The following JMJD1C variants were observed in gnomAD, a reference collection of about 807,000 sequenced individuals.
The protein encoded by JMJD1C is jumonji domain-containing protein 1C.
Under a neutral mutation model 245.3 loss-of-function variants are expected in JMJD1C, and 31 were observed. The observed-to-expected ratio is 0.13, with a 90% CI of 0.09 to 0.17. The LOEUF (loss-of-function observed/expected upper bound fraction) is 0.17. Ranked by LOEUF, JMJD1C falls within the 10% of genes least tolerant of loss-of-function variation. The probability of loss-of-function intolerance (pLI) is 1.00; values close to 1 mark genes in which losing one functional copy is unlikely to be tolerated. For missense variants in JMJD1C, 2,691 were observed against 3,000.2 expected (o/e 0.90, Z 2.41); for synonymous variants, 1,057 against 1,017.4 (o/e 1.04, Z -0.74).
At chr10:63,361,884 G>A (rs10995516) in intron 2 of JMJD1C, among the ~76,000 whole-genome samples, 1,716 of 152,062 alleles carry the variant, frequency 0.011, 40 homozygotes, top group African/African-American at 0.039. Context: ...AGGATATTTA[G>A]AATAATGGTT....
intron 2 of JMJD1C, among the ~76,000 whole-genome samples, chr10:63,292,783 G>A (rs1345407148): frequency 6.6e-6 from 1 of 152,042 alleles, no homozygotes; most frequent in African/African-American, 2.4e-5. Flanking sequence ...GGTGGCTCAC[G>A]CCTGTAATCC....
intron 1 of JMJD1C, among the ~76,000 whole-genome samples, chr10:63,518,490 T>G (rs1306979170): frequency 6.6e-6 from 1 of 152,214 alleles, no homozygotes; most frequent in African/African-American, 2.4e-5. Flanking sequence ...TAGCTGAATA[T>G]ATCTATGAAT....
intron 1 of JMJD1C, among the ~76,000 whole-genome samples, chr10:63,396,546 G>A (rs924014207): frequency 6.6e-6 from 1 of 152,156 alleles, no homozygotes; most frequent in African/African-American, 2.4e-5. Context: ...CAAATCAGAT[G>A]ATATACAACG....
chr10:63,275,328 C>G (rs1226659441), intron 2 of JMJD1C, among the ~76,000 whole-genome samples: 1 of 152,076 alleles, frequency 6.6e-6, no homozygotes, highest in Non-Finnish European at 1.5e-5. Context: ...AAACTTTGAA[C>G]GCTGAATGGA....
At chr10:63,499,726 A>G (rs1035691770) in intron 1 of JMJD1C, among the ~76,000 whole-genome samples, 1 of 152,210 alleles carries the variant, frequency 6.6e-6, no homozygotes, top group Non-Finnish European at 1.5e-5. Flanking sequence ...TCATTACCTC[A>G]AGCCCTGTTC....
intron 1 of JMJD1C, 117 bp downstream of exon 1, chr10:63,465,378 G>C (rs1008497012): frequency 3.7e-6 from 4 of 1,084,208 alleles, no homozygotes; most frequent in Non-Finnish European, 5.2e-6. Flanking sequence ...TTCAGCAGAG[G>C]GGCGTGACCG....
intron 2 of JMJD1C, among the ~76,000 whole-genome samples, chr10:63,296,962 T>C (rs1859505098): frequency 6.6e-6 from 1 of 152,190 alleles, no homozygotes. Flanking sequence ...AAAGTACCTG[T>C]TACTATATAA....
chr10:63,370,375 C>G (rs1402603573), intron 2 of JMJD1C, among the ~76,000 whole-genome samples: 1 of 152,206 alleles, frequency 6.6e-6, no homozygotes, highest in Non-Finnish European at 1.5e-5. Context: ...CAGTGCTATA[C>G]TGAAGTTTTA....
intron 1 of JMJD1C, among the ~76,000 whole-genome samples, chr10:63,397,851 T>C (rs998799540): frequency 2.6e-5 from 4 of 152,208 alleles, no homozygotes; most frequent in African/African-American, 9.7e-5. Flanking sequence ...TTTTAACCAA[T>C]GTTTCATCAC....
intron 2 of JMJD1C, among the ~76,000 whole-genome samples, chr10:63,336,289 C>T (rs1057231214): frequency 6.6e-6 from 1 of 151,930 alleles, no homozygotes; most frequent in Non-Finnish European, 1.5e-5. Context: ...GGTGAATCCC[C>T]GTCTCAACCA....
At position 63,189,455 on chromosome 10, in the gene JMJD1C, G is replaced by A. The variant is rs1564573444; in HGVS notation, c.6292-9C>T. 2.5e-6 allele frequency: 4 copies of A among 1,573,738 alleles called. No homozygotes were observed. The highest frequency in any genetic ancestry group is 1.2e-5 in the South Asian group (1 of 84,704). ...CGTCCACTTTTGCTACTCTATTAAG[G>A]AAAAAACAAAACAAAAAAAACCTGT... On this transcript the variant is annotated splice_polypyrimidine_tract_variant and intron_variant, in intron 17 of 25. Transcript: ENST00000399262.
At chr10:63,316,772 A>G (rs1940119204) in intron 2 of JMJD1C, among the ~76,000 whole-genome samples, 1 of 152,114 alleles carries the variant, frequency 6.6e-6, no homozygotes, top group Non-Finnish European at 1.5e-5. Flanking sequence ...TTTATGTAGT[A>G]ATGTGGTATT....
chr10:63,291,406 C>G (rs551285822), intron 2 of JMJD1C, among the ~76,000 whole-genome samples: 8 of 150,286 alleles, frequency 5.3e-5, no homozygotes, highest in Admixed American at 4.7e-4. Context: ...CACAAGGTCA[C>G]GAGATCAAGA....
chr10:63,170,306 CTCTT>C (rs1444409064), intron 24 of JMJD1C, among the ~76,000 whole-genome samples: 1 of 152,110 alleles, frequency 6.6e-6, no homozygotes, highest in South Asian at 2.1e-4. Flanking sequence ...CCATACTTTC[CTCTT>C]TCTGTGTATG....
chr10:63,438,541 C>G (rs1002055100), intron 1 of JMJD1C, among the ~76,000 whole-genome samples: 1 of 152,096 alleles, frequency 6.6e-6, no homozygotes, highest in Non-Finnish European at 1.5e-5. Flanking sequence ...CCCATCTCAT[C>G]CAGAATGAAA....
At chr10:63,394,651 C>T (rs1284759944) in intron 1 of JMJD1C, among the ~76,000 whole-genome samples, 1 of 151,842 alleles carries the variant, frequency 6.6e-6, no homozygotes, top group African/African-American at 2.4e-5. Context: ...TCGAGACCAG[C>T]CTAACCAACA....
At chr10:63,519,816 T>C (rs1955150112) in intron 1 of JMJD1C, among the ~76,000 whole-genome samples, 2 of 152,114 alleles carry the variant, frequency 1.3e-5, no homozygotes, top group Admixed American at 6.5e-5. Flanking sequence ...CATTAGGAGT[T>C]GGGGGTGAAA....
At chr10:63,362,118 C>A (rs1945414401) in intron 2 of JMJD1C, among the ~76,000 whole-genome samples, 1 of 151,734 alleles carries the variant, frequency 6.6e-6, no homozygotes, top group African/African-American at 2.4e-5. Context: ...GTCTGTAATC[C>A]CAGCTACTAG....
intron 1 of JMJD1C, among the ~76,000 whole-genome samples, chr10:63,406,242 A>G (rs976425684): frequency 1.3e-5 from 2 of 152,182 alleles, no homozygotes; most frequent in African/African-American, 4.8e-5. Flanking sequence ...AAGACAGAGA[A>G]TATCTAGTCA....
Sources: gnomAD v4.1 joint callset for allele counts (sites outside exome capture counted in the v4.1 genomes callset) on GRCh38, gnomAD v4.1.1 for gene constraint, MANE v1.5 for transcripts, NCBI Gene and HGNC (gene_info 2026-07-23, HGNC 2026-07-21) for gene names.